Variants in ENOX1 observed in about 807,000 individuals in gnomAD.
ENOX1 encodes the protein ecto-NOX disulfide-thiol exchanger 1.
A neutral mutation model predicts 82.5 loss-of-function variants in ENOX1; 42 were observed. The ratio of observed to expected loss-of-function variants is 0.51; its 90% CI spans 0.40 to 0.66. ENOX1 has a LOEUF of 0.66. ENOX1 is among the 30% of genes least tolerant of loss of function. The probability of loss-of-function intolerance (pLI) is 0.00; values close to 1 mark genes in which losing one functional copy is unlikely to be tolerated. For missense variants in ENOX1, 608 were observed against 811.6 expected (o/e 0.75, Z 3.05); for synonymous variants, 271 against 282.2 (o/e 0.96, Z 0.40).
chr13:43,718,807 T>G (rs410980), intron 1 of ENOX1, among the ~76,000 whole-genome samples: 2 of 152,054 alleles, frequency 1.3e-5, no homozygotes, highest in Admixed American at 1.3e-4. Context: ...TTCCCCCTTG[T>G]GCAGGTATTC....
chr13:43,427,671 A>G (rs1345552502), intron 3 of ENOX1, among the ~76,000 whole-genome samples: 1 of 152,216 alleles, frequency 6.6e-6, no homozygotes, highest in Non-Finnish European at 1.5e-5. Flanking sequence ...GTAATAGTGA[A>G]CAAGACATAG....
At chr13:43,568,507 A>C (rs1422102652) in intron 2 of ENOX1, among the ~76,000 whole-genome samples, 1 of 152,174 alleles carries the variant, frequency 6.6e-6, no homozygotes, top group Non-Finnish European at 1.5e-5. Flanking sequence ...TACCTCCTCC[A>C]AGAAACATTT....
At chr13:43,216,578 G>C (rs541813306) in intron 16 of ENOX1, among the ~76,000 whole-genome samples, 137 of 152,194 alleles carry the variant, frequency 9.0e-4, no homozygotes, top group African/African-American at 3.2e-3. Context: ...TTCTTTTGGA[G>C]GAGGACAGCA....
chr13:43,476,250 T>A (rs921967695), intron 3 of ENOX1, among the ~76,000 whole-genome samples: 1 of 152,088 alleles, frequency 6.6e-6, no homozygotes, highest in Non-Finnish European at 1.5e-5. Context: ...AAGCCTAAAA[T>A]CTACCAAAAA....
At chr13:43,683,815 C>T (rs1223323368) in intron 1 of ENOX1, among the ~76,000 whole-genome samples, 1 of 151,984 alleles carries the variant, frequency 6.6e-6, no homozygotes, top group Non-Finnish European at 1.5e-5. Context: ...TATTTCACTG[C>T]CTCTGGCCAG....
At chr13:43,710,654 A>G (rs2153813185) in intron 1 of ENOX1, among the ~76,000 whole-genome samples, 1 of 152,306 alleles carries the variant, frequency 6.6e-6, no homozygotes, top group South Asian at 2.1e-4. Context: ...TAGAAAAATT[A>G]ACACAATCAA....
At chr13:43,536,795 T>C (rs2078479396) in intron 2 of ENOX1, among the ~76,000 whole-genome samples, 1 of 152,244 alleles carries the variant, frequency 6.6e-6, no homozygotes, top group Non-Finnish European at 1.5e-5. Context: ...ACCCTTATGC[T>C]GGGGCAGTCC....
Position 43,322,390 on chromosome 13 carries a change from C to G in ENOX1, c.1255G>C (p.Glu419Gln). Residue 419 changes from glutamate (E) to glutamine (Q), a missense_variant, in exon 11 of 17, where the codon GAA becomes CAA. Glu to Gln is a conservative substitution (Grantham distance 29). Coordinates refer to ENST00000690772, the MANE Select transcript of ENOX1 (RefSeq NM_001347969.2). ...DSPTKKMRVDESALAAQAYAL... is the reference protein window; with the variant it reads ...DSPTKKMRVDQSALAAQAYAL... ...TGGCAGTTATCGGCATTACCTGATT[C>G]ATCGACTCTCATTTTCTTTGTAGGG... The G allele has an allele frequency of 6.2e-7, 1 of 1,613,236 alleles. No individual in the cohort carries two copies. Among genetic ancestry groups the G allele is most frequent in the Non-Finnish European group, 8.5e-7 (1 of 1,179,320 alleles).
chr13:43,439,717 A>ATGTC (rs1239052686), intron 3 of ENOX1, among the ~76,000 whole-genome samples: 1 of 152,058 alleles, frequency 6.6e-6, no homozygotes, highest in African/African-American at 2.4e-5. Context: ...TTTTTTCTCA[A>ATGTC]TGTCTATTCC....
intron 1 of ENOX1, among the ~76,000 whole-genome samples, chr13:43,696,025 T>C (rs913938549): frequency 6.6e-6 from 1 of 152,224 alleles, no homozygotes; most frequent in Non-Finnish European, 1.5e-5. Flanking sequence ...ACATTTCATA[T>C]GAATGAAATT....
At chr13:43,593,723 CAG>C (rs1303366316) in intron 2 of ENOX1, among the ~76,000 whole-genome samples, 2 of 127,718 alleles carry the variant, frequency 1.6e-5, no homozygotes, top group African/African-American at 5.9e-5. Context: ...CACACACACA[CAG>C]GCACTCCCTT....
intron 11 of ENOX1, among the ~76,000 whole-genome samples, chr13:43,315,710 T>C (rs1366000106): frequency 2.6e-5 from 4 of 152,220 alleles, no homozygotes; most frequent in Non-Finnish European, 4.4e-5. Context: ...CTGTTACAAG[T>C]GGCTGCTTGG....
At chr13:43,273,742 T>C (rs748319484) in intron 12 of ENOX1, among the ~76,000 whole-genome samples, 23 of 152,314 alleles carry the variant, frequency 1.5e-4, no homozygotes, top group Admixed American at 3.3e-4. Context: ...TGCGGTAGCC[T>C]TGGGTTCTTG....
intron 3 of ENOX1, among the ~76,000 whole-genome samples, chr13:43,473,138 T>C (rs991387626): frequency 6.6e-6 from 1 of 152,230 alleles, no homozygotes; most frequent in African/African-American, 2.4e-5. Flanking sequence ...ACATCGTCTC[T>C]CAATTTAGTA....
intron 5 of ENOX1, among the ~76,000 whole-genome samples, chr13:43,407,102 A>G (rs1006991654): frequency 8.5e-5 from 13 of 152,224 alleles, no homozygotes; most frequent in Non-Finnish European, 1.9e-4. Context: ...TAAGTTATAC[A>G]GGAAGAGAGC....
At chr13:43,273,345 C>T (rs1222361165) in intron 12 of ENOX1, among the ~76,000 whole-genome samples, 1 of 152,118 alleles carries the variant, frequency 6.6e-6, no homozygotes, top group Non-Finnish European at 1.5e-5. Context: ...ACCCGACACT[C>T]CTGAGAGAGT....
At chr13:43,298,860 T>C (rs543608924) in intron 11 of ENOX1, among the ~76,000 whole-genome samples, 16 of 152,282 alleles carry the variant, frequency 1.1e-4, no homozygotes, top group Admixed American at 8.5e-4. Context: ...GTGACAACAT[T>C]TAGAATTCCA....
chr13:43,534,439 TA>T (rs1436771787), intron 2 of ENOX1, among the ~76,000 whole-genome samples: 1 of 152,106 alleles, frequency 6.6e-6, no homozygotes, highest in Non-Finnish European at 1.5e-5. Context: ...GATAATATTT[TA>T]CCTTCTCTCA....
chr13:43,610,405 G>A (rs1164549571), intron 2 of ENOX1, among the ~76,000 whole-genome samples: 2 of 152,116 alleles, frequency 1.3e-5, no homozygotes, highest in African/African-American at 4.8e-5. Flanking sequence ...TCATGTGAAT[G>A]CTGAGAAAGG....
Sources: allele counts gnomAD v4.1 joint callset (sites outside exome capture counted in the v4.1 genomes callset), GRCh38; gene constraint gnomAD v4.1.1; transcripts MANE v1.5; gene names NCBI Gene and HGNC (gene_info 2026-07-23, HGNC 2026-07-21).